CDH23: variants seen among roughly 807,000 people sequenced by gnomAD.
The protein encoded by CDH23 is cadherin-23.
A neutral mutation model predicts 317.1 loss-of-function variants in CDH23; 189 were observed. That is an observed-to-expected ratio of 0.60 (90% CI 0.53 to 0.67). The LOEUF is 0.67. CDH23 is among the 30% of genes least tolerant of loss of function. The pLI, the probability that CDH23 is intolerant of heterozygous loss-of-function variation, is 0.00. For synonymous variants in CDH23, 1,839 were observed against 1,876.8 expected (o/e 0.98, Z 0.52); for missense variants, 4,401 against 4,592.4 (o/e 0.96, Z 1.20).
intron 1 of CDH23, among the ~76,000 whole-genome samples, chr10:71,418,338 T>C (rs549703280): frequency 6.6e-6 from 1 of 152,344 alleles, no homozygotes; most frequent in South Asian, 2.1e-4. Flanking sequence ...CAGCTGATCA[T>C]CTTAATCCAG....
intron 1 of CDH23, among the ~76,000 whole-genome samples, chr10:71,405,804 C>T (rs180753012): frequency 1.3e-5 from 2 of 152,220 alleles, no homozygotes; most frequent in Admixed American, 6.5e-5. Flanking sequence ...CTTCCAAACC[C>T]ATCCTGTCTG....
chr10:71,417,928 G>A (rs112004862), intron 1 of CDH23, among the ~76,000 whole-genome samples: 21 of 152,222 alleles, frequency 1.4e-4, no homozygotes, highest in African/African-American at 4.1e-4. Flanking sequence ...TATTTTCTGC[G>A]GGTCTATTTT....
At chr10:71,584,243 G>T (rs1045129119) in intron 9 of CDH23, among the ~76,000 whole-genome samples, 10 of 152,138 alleles carry the variant, frequency 6.6e-5, no homozygotes, top group African/African-American at 2.4e-4. Flanking sequence ...ACGTAAAAAT[G>T]TCTAAAGTGG....
At position 71,678,551 on chromosome 10, in the gene CDH23, G is replaced by T. The variant is rs536344868; in HGVS notation, c.1753-836G>T. On this transcript the variant is annotated intron_variant, in intron 16 of 69. Coordinates refer to ENST00000224721, the MANE Select transcript of CDH23 (RefSeq NM_022124.6). ...AGCAGGTAGGGATGAAGGCAAGGCTGGAAGGGTGAGCACAGGGGATACCAA... is the reference window on the plus strand; with the variant it reads ...AGCAGGTAGGGATGAAGGCAAGGCTTGAAGGGTGAGCACAGGGGATACCAA... 1.6e-4 allele frequency among the ~76,000 whole-genome samples: 25 copies of T among 152,328 alleles called. 2 individuals carry two copies. In the South Asian group the frequency reaches 5.2e-3, roughly 32 times the overall value.
chr10:71,449,207 G>C (rs1850314496), intron 3 of CDH23, among the ~76,000 whole-genome samples: 1 of 152,234 alleles, frequency 6.6e-6, no homozygotes, highest in African/African-American at 2.4e-5. Flanking sequence ...CAAACACACA[G>C]ATAAGCTGGG....
Position 71,690,591 on chromosome 10 carries a change from C to T in CDH23, c.2176+7C>T, listed in dbSNP as rs915487311. On this transcript the variant is annotated splice_region_variant and intron_variant, in intron 20 of 69. Coordinates refer to ENST00000224721, the MANE Select transcript of CDH23 (RefSeq NM_022124.6). ...CGGATCAATGCCCGCTCAGGTGAGC[C>T]CCCCCACCCCAAGTACCCTGGTCCT... 7 of 1,569,268 alleles carry T rather than the reference C, an allele frequency of 4.5e-6. No individual in the cohort carries two copies. The highest frequency in any genetic ancestry group is 4.1e-5 in the African/African-American group (3 of 73,870).
chr10:71,609,318 G>C (rs1047975350), intron 9 of CDH23, among the ~76,000 whole-genome samples: 2 of 145,822 alleles, frequency 1.4e-5, no homozygotes, highest in African/African-American at 2.6e-5. Context: ...CTCTCCCTCC[G>C]ACCACCTAGA....
At chr10:71,560,107 T>A (rs893194936) in intron 6 of CDH23, among the ~76,000 whole-genome samples, 2 of 151,904 alleles carry the variant, frequency 1.3e-5, no homozygotes, top group African/African-American at 4.8e-5. Context: ...CCATCACTGC[T>A]CCCCCATAAG....
chr10:71,553,106 G>A (rs1564648905), intron 6 of CDH23, among the ~76,000 whole-genome samples: 1 of 152,190 alleles, frequency 6.6e-6, no homozygotes, highest in Non-Finnish European at 1.5e-5. Context: ...GGGACTGGGC[G>A]CCAGCCTGCT....
At chr10:71,702,893 G>A (rs1014242148) in intron 24 of CDH23, among the ~76,000 whole-genome samples, 199 bp downstream of exon 24, 2 of 152,208 alleles carry the variant, frequency 1.3e-5, no homozygotes, top group African/African-American at 4.8e-5. Flanking sequence ...GAGAGAGGGA[G>A]AGAGGCAAAG....
At chr10:71,501,446 T>C (rs936139398) in intron 3 of CDH23, among the ~76,000 whole-genome samples, 1 of 152,106 alleles carries the variant, frequency 6.6e-6, no homozygotes, top group Non-Finnish European at 1.5e-5. Flanking sequence ...GGTTTTCTGA[T>C]GACAGTGAGG....
At chr10:71,546,320 G>A (rs979169921) in intron 6 of CDH23, among the ~76,000 whole-genome samples, 4 of 152,184 alleles carry the variant, frequency 2.6e-5, no homozygotes, top group South Asian at 2.1e-4. Flanking sequence ...TTGCTCGTGC[G>A]GAAAAATGGA....
chr10:71,730,507 C>G lies in CDH23; in HGVS notation c.3618C>G (p.Pro1206=). The part of the protein sequence containing the change: ...VYVEDINDEA[P]VFTQQQYSRL... Reference sequence around the variant, plus strand: ...TGGAGGACATCAACGATGAGGCCCCCGTGTTCACACAGCAGCAGTACAGCC... The same window carrying G: ...TGGAGGACATCAACGATGAGGCCCCGGTGTTCACACAGCAGCAGTACAGCC... The change falls in exon 31 of 70, where the codon CCC becomes CCG. Residue 1206 remains proline (P), a synonymous_variant. Coordinates refer to ENST00000224721, the MANE Select transcript of CDH23 (RefSeq NM_022124.6). 8 of 1,613,936 alleles carry G rather than the reference C, an allele frequency of 5.0e-6. No individual in the cohort carries two copies. The highest frequency in any genetic ancestry group is 5.9e-6 in the Non-Finnish European group (7 of 1,179,882).
At chr10:71,567,647 C>T (rs991272370) in intron 7 of CDH23, among the ~76,000 whole-genome samples, 1 of 152,272 alleles carries the variant, frequency 6.6e-6, no homozygotes, top group Non-Finnish European at 1.5e-5. Context: ...GGCTAGACAT[C>T]TCCAGGTCTC....
intron 6 of CDH23, among the ~76,000 whole-genome samples, chr10:71,553,432 G>A (rs1856708830): frequency 6.6e-6 from 1 of 152,196 alleles, no homozygotes; most frequent in Non-Finnish European, 1.5e-5. Flanking sequence ...CACACCGCCT[G>A]AAGGGCCGGC....
chr10:71,784,469 T>G, intron 42 of CDH23, 49 bp downstream of exon 42: 1 of 1,585,430 alleles, frequency 6.3e-7, no homozygotes, highest in Non-Finnish European at 8.6e-7. Flanking sequence ...GCCCCTGTAC[T>G]TGCCACAGAG....
chr10:71,697,777 C>T (rs1404780455), intron 22 of CDH23, among the ~76,000 whole-genome samples: 1 of 152,188 alleles, frequency 6.6e-6, no homozygotes, highest in Admixed American at 6.5e-5. Flanking sequence ...AAAGCCAGAG[C>T]CCTTGCCAGA....
At chr10:71,581,831 A>T (rs1589231239) in intron 9 of CDH23, among the ~76,000 whole-genome samples, 1 of 151,800 alleles carries the variant, frequency 6.6e-6, no homozygotes, top group African/African-American at 2.4e-5. Flanking sequence ...CTCAACAGAC[A>T]CCCCCTCTGG....
At chr10:71,563,712 C>T (rs762705911) in intron 6 of CDH23, among the ~76,000 whole-genome samples, 1 of 151,764 alleles carries the variant, frequency 6.6e-6, no homozygotes, top group Non-Finnish European at 1.5e-5. Flanking sequence ...TTTTTTCACA[C>T]CTTATCTCTT....
Sources: allele counts gnomAD v4.1 joint callset (sites outside exome capture counted in the v4.1 genomes callset), GRCh38; gene constraint gnomAD v4.1.1; transcripts MANE v1.5; gene names NCBI Gene and HGNC (gene_info 2026-07-23, HGNC 2026-07-21).